Variants in PTPRD observed in about 807,000 individuals in gnomAD.
The protein encoded by PTPRD is receptor-type tyrosine-protein phosphatase delta.
Under a neutral mutation model 214.5 loss-of-function variants are expected in PTPRD, and 34 were observed. That is an observed-to-expected ratio of 0.16 (90% CI 0.12 to 0.21). The LOEUF is 0.21. PTPRD is among the 10% of genes least tolerant of loss of function. The pLI, the probability that PTPRD is intolerant of heterozygous loss-of-function variation, is 1.00. For synonymous variants in PTPRD, 1,128 were observed against 845.7 expected, an observed-to-expected ratio of 1.33 and a Z score of -5.79; for missense variants, 2,545 against 2,398.7, an observed-to-expected ratio of 1.06 and a Z score of -1.27.
rs890879132 is a variant in PTPRD at position 9,732,544 on chromosome 9, G to T, written c.-287+1989C>A. Among the ~76,000 whole-genome samples, 9 of 152,272 alleles carry T rather than the reference G, an allele frequency of 5.9e-5. No individual in the cohort carries two copies. The East Asian group carries it at 1.7e-3, about 29-fold the overall frequency. The stretch of plus-strand genomic sequence containing the variant: ...TTAGGCAAAAGGACAATTACAGGAG[G>T]AGGGTCCAGATCCAACTTTTGCAAC... On this transcript the variant is annotated intron_variant, in intron 7 of 45. Transcript: ENST00000381196.
chr9:9,758,487 T>A (rs890024752), intron 6 of PTPRD, among the ~76,000 whole-genome samples: 1 of 152,124 alleles, frequency 6.6e-6, no homozygotes, highest in Non-Finnish European at 1.5e-5. Context: ...AGAAGTAATC[T>A]GAAGAATCAC....
At chr9:9,544,082 A>G (rs778384984) in intron 8 of PTPRD, among the ~76,000 whole-genome samples, 1 of 151,640 alleles carries the variant, frequency 6.6e-6, no homozygotes, top group Non-Finnish European at 1.5e-5. Flanking sequence ...TCTCTGTGAT[A>G]CACTTCAAAA....
chr9:10,271,216 C>T (rs1350615682), intron 3 of PTPRD, among the ~76,000 whole-genome samples: 1 of 152,096 alleles, frequency 6.6e-6, no homozygotes, highest in African/African-American at 2.4e-5. Flanking sequence ...TTAATATTTA[C>T]TATTTTAAAT....
intron 11 of PTPRD, among the ~76,000 whole-genome samples, chr9:8,853,072 A>G (rs2097849929): frequency 6.6e-6 from 1 of 152,168 alleles, no homozygotes; most frequent in Admixed American, 6.5e-5. Context: ...CAAACTGTTG[A>G]TTTCTTGAAA....
chr9:10,200,323 T>TC (rs1194835867), intron 3 of PTPRD, among the ~76,000 whole-genome samples: 1 of 152,122 alleles, frequency 6.6e-6, no homozygotes, highest in Admixed American at 6.6e-5. Context: ...GAAATTTTTT[T>TC]CCACCCAGGG....
At chr9:9,665,692 G>C (rs1380930558) in intron 7 of PTPRD, among the ~76,000 whole-genome samples, 1 of 151,670 alleles carries the variant, frequency 6.6e-6, no homozygotes, top group Non-Finnish European at 1.5e-5. Flanking sequence ...AGTTCTATTT[G>C]AATTTATTTA....
At chr9:10,524,210 G>A (rs1035346510) in intron 2 of PTPRD, among the ~76,000 whole-genome samples, 2 of 151,972 alleles carry the variant, frequency 1.3e-5, no homozygotes, top group Admixed American at 6.6e-5. Context: ...GTTAGGAGCC[G>A]TTCAATCCTT....
intron 7 of PTPRD, among the ~76,000 whole-genome samples, chr9:9,580,418 G>C (rs1316807074): frequency 6.6e-6 from 1 of 151,852 alleles, no homozygotes; most frequent in African/African-American, 2.4e-5. Context: ...AAGATGATAT[G>C]ACATTGTAAT....
In PTPRD at chr9:8,510,485, C is replaced by T. The variant is rs999991352; in HGVS notation, c.1544-3051G>A. ...AGGTTGCTGCCTTGTGAAATGTGGG[C>T]GCACTCTTGTCCCAGCTTCCGATTT... On this transcript the variant is annotated intron_variant, in intron 21 of 45. Transcript: ENST00000381196. Among the ~76,000 whole-genome samples, 12 of 152,200 alleles carry T rather than the reference C, an allele frequency of 7.9e-5. No homozygotes were observed. In the South Asian group the frequency reaches 8.3e-4, roughly 11 times the overall value.
chr9:8,641,836 ATGGGTCTAATATT>A (rs1220009199), intron 12 of PTPRD, among the ~76,000 whole-genome samples: 3 of 152,188 alleles, frequency 2.0e-5, no homozygotes, highest in African/African-American at 7.2e-5. Context: ...TTTGAACCTA[ATGGGTCTAATATT>A]TGGATGCCAT....
At chr9:10,424,723 C>T (rs936065660) in intron 2 of PTPRD, among the ~76,000 whole-genome samples, 5 of 151,914 alleles carry the variant, frequency 3.3e-5, no homozygotes, top group African/African-American at 1.2e-4. Context: ...ATGACCACCA[C>T]TAGAAGGATT....
At chr9:8,443,423 C>T (rs1169663801) in intron 34 of PTPRD, among the ~76,000 whole-genome samples, 2 of 152,206 alleles carry the variant, frequency 1.3e-5, no homozygotes, top group African/African-American at 4.8e-5. Context: ...CTTTTTAAAG[C>T]TTATTCAGTT....
At chr9:9,033,300 G>A (rs904259030) in intron 10 of PTPRD, among the ~76,000 whole-genome samples, 1 of 152,086 alleles carries the variant, frequency 6.6e-6, no homozygotes, top group Non-Finnish European at 1.5e-5. Flanking sequence ...ATGATCCAAA[G>A]TCTCATAAAG....
intron 10 of PTPRD, among the ~76,000 whole-genome samples, chr9:9,078,812 G>A (rs1305260464): frequency 1.3e-5 from 2 of 151,996 alleles, no homozygotes; most frequent in Admixed American, 1.3e-4. Flanking sequence ...TTGGGGCAGT[G>A]GGATGGGACT....
chr9:9,323,903 T>A (rs1968149163), intron 9 of PTPRD, among the ~76,000 whole-genome samples: 1 of 152,182 alleles, frequency 6.6e-6, no homozygotes, highest in Admixed American at 6.5e-5. Flanking sequence ...AGTGTTCTCA[T>A]TGTTCAATGC....
At chr9:8,639,710 G>A (rs527693349) in intron 12 of PTPRD, among the ~76,000 whole-genome samples, 1 of 152,322 alleles carries the variant, frequency 6.6e-6, no homozygotes, top group African/African-American at 2.4e-5. Flanking sequence ...GCTTGGGTAA[G>A]TGCTTCATCT....
intron 10 of PTPRD, among the ~76,000 whole-genome samples, chr9:9,073,482 G>A (rs1020057709): frequency 2.0e-5 from 3 of 152,052 alleles, no homozygotes; most frequent in African/African-American, 2.4e-5. Flanking sequence ...TTTCAGTTGC[G>A]ATTAACATTT....
At chr9:8,988,771 C>T (rs2154345844) in intron 11 of PTPRD, among the ~76,000 whole-genome samples, 1 of 152,010 alleles carries the variant, frequency 6.6e-6, no homozygotes. Flanking sequence ...TTTCATTTGT[C>T]TGTGTTGTGG....
intron 12 of PTPRD, 80 bp downstream of exon 12, chr9:8,733,700 A>G: frequency 7.2e-7 from 1 of 1,380,362 alleles, no homozygotes; most frequent in Non-Finnish European, 1.0e-6. Context: ...ATGTATTCAG[A>G]GGCCCTGAGC....
Sources: allele counts gnomAD v4.1 joint callset (sites outside exome capture counted in the v4.1 genomes callset), GRCh38; gene constraint gnomAD v4.1.1; transcripts MANE v1.5; gene names NCBI Gene and HGNC (gene_info 2026-07-23, HGNC 2026-07-21).